The following AGPS variants were observed in gnomAD, a reference collection of about 807,000 sequenced individuals.
The protein encoded by AGPS is alkylglycerone phosphate synthase.
A neutral mutation model predicts 90.7 loss-of-function variants in AGPS; 26 were observed. The ratio of observed to expected loss-of-function variants is 0.29; its 90% CI spans 0.21 to 0.40. AGPS has a LOEUF of 0.40. Among genes scored for constraint, AGPS ranks in the 10% least tolerant of loss-of-function variants. AGPS has a pLI of 1.00. For synonymous variants in AGPS, 294 were observed against 285.3 expected, an observed-to-expected ratio of 1.03 and a Z score of -0.31; for missense variants, 540 against 816.1, an observed-to-expected ratio of 0.66 and a Z score of 4.12.
chr2:177,442,281 A>G lies in AGPS; in HGVS notation c.710-126A>G, dbSNP rs1358940561. 3 of 742,904 alleles carry G rather than the reference A, an allele frequency of 4.0e-6. No individual in the cohort carries two copies. In the African/African-American group the frequency reaches 5.3e-5, roughly 13 times the overall value. 46.0% of individuals were successfully genotyped at this position (742,904 alleles called of 1,614,324 possible). Reference sequence around the variant, plus strand: ...TTAGCATTTGCAAGTTGTATTTTGCAAAGTATTAATAGGTATCACTTTTCT... The same window carrying G: ...TTAGCATTTGCAAGTTGTATTTTGCGAAGTATTAATAGGTATCACTTTTCT... On this transcript the variant is annotated intron_variant, in intron 6 of 19. Transcript: ENST00000264167.
At chr2:177,412,788 G>A (rs939199530) in intron 1 of AGPS, among the ~76,000 whole-genome samples, 8 of 152,156 alleles carry the variant, frequency 5.3e-5, no homozygotes, top group Non-Finnish European at 1.0e-4. Context: ...CATGTGGTGA[G>A]TGTTATAGCT....
chr2:177,506,663 G>T (rs1378940072), intron 15 of AGPS, among the ~76,000 whole-genome samples: 1 of 151,750 alleles, frequency 6.6e-6, no homozygotes, highest in African/African-American at 2.4e-5. Flanking sequence ...TTTGTCCCCT[G>T]CCCCCACAGT....
intron 10 of AGPS, 95 bp downstream of exon 10, chr2:177,468,619 A>G: frequency 1.2e-6 from 1 of 840,524 alleles, no homozygotes; most frequent in Non-Finnish European, 1.9e-6. Context: ...TTTGAAAGAC[A>G]TGTTTTATAT....
intron 10 of AGPS, among the ~76,000 whole-genome samples, chr2:177,469,373 A>G (rs1453226578): frequency 6.6e-6 from 1 of 152,166 alleles, no homozygotes; most frequent in Non-Finnish European, 1.5e-5. Flanking sequence ...TTAGGCATAA[A>G]TTCTATTCTT....
In AGPS at chr2:177,405,019, G is replaced by T. The variant is rs551508192; in HGVS notation, c.260+11970G>T. Among the ~76,000 whole-genome samples the T allele has an allele frequency of 1.2e-4, 18 of 152,336 alleles. No homozygotes were observed. In the South Asian group the frequency reaches 3.5e-3, roughly 30 times the overall value. ...ATTCTAAGAGTACAGGGGTGCCAAA[G>T]AACCCAAGGGTAAGAATGGAGCTTG... On this transcript the variant is annotated intron_variant, in intron 1 of 19. Transcript: ENST00000264167.
chr2:177,464,400 G>A (rs577124108), intron 9 of AGPS, among the ~76,000 whole-genome samples: 8 of 152,220 alleles, frequency 5.3e-5, no homozygotes, highest in East Asian at 3.9e-4. Context: ...ATTAAAGAAC[G>A]TGTTAATATA....
At chr2:177,401,298 T>G (rs1426426653) in intron 1 of AGPS, among the ~76,000 whole-genome samples, 1 of 152,190 alleles carries the variant, frequency 6.6e-6, no homozygotes, top group Non-Finnish European at 1.5e-5. Flanking sequence ...AGTCACATCC[T>G]TCAATCCCTA....
chr2:177,433,590 T>C (rs975028406), intron 2 of AGPS, among the ~76,000 whole-genome samples: 2 of 152,224 alleles, frequency 1.3e-5, no homozygotes, highest in African/African-American at 4.8e-5. Flanking sequence ...TTTGTTCTTG[T>C]CTAGTAATAT....
intron 11 of AGPS, among the ~76,000 whole-genome samples, chr2:177,486,629 T>C (rs911910035): frequency 6.7e-6 from 1 of 150,364 alleles, no homozygotes; most frequent in Non-Finnish European, 1.5e-5. Context: ...TTTGCAATAT[T>C]TTCAGATTCA....
At chr2:177,531,691 A>T (rs879487910) in intron 19 of AGPS, among the ~76,000 whole-genome samples, 1 of 152,168 alleles carries the variant, frequency 6.6e-6, no homozygotes, top group Non-Finnish European at 1.5e-5. Flanking sequence ...GACAGCTAAA[A>T]CAAATTTGAA....
intron 11 of AGPS, 147 bp downstream of exon 11, chr2:177,482,333 A>G (rs574285040): frequency 2.5e-4 from 107 of 434,006 alleles, no homozygotes; most frequent in Middle Eastern, 2.3e-3. Context: ...ACCCAGTTCT[A>G]TATGAAAAGG....
chr2:177,499,598 AAATT>A lies in AGPS; in HGVS notation c.1363-19_1363-16del. On this transcript the variant is annotated splice_polypyrimidine_tract_variant and intron_variant, in intron 13 of 19. Transcript: ENST00000264167. ...TAGGATAAGACTTATCTGTAATAAT[AAATT>A]TTTTTTTTTTTGTAGTTTAAAGGAT... The A allele has an allele frequency of 1.4e-6, 2 of 1,402,362 alleles. No individual in the cohort carries two copies. The highest frequency in any genetic ancestry group is 2.0e-6 in the Non-Finnish European group (2 of 993,114). 86.9% of individuals were successfully genotyped at this position (1,402,362 alleles called of 1,614,324 possible).
chr2:177,459,156 A>C (rs934797416), intron 8 of AGPS, among the ~76,000 whole-genome samples: 4 of 152,200 alleles, frequency 2.6e-5, no homozygotes, highest in Non-Finnish European at 5.9e-5. Context: ...CTTACACCTT[A>C]TAAAAAAATC....
intron 1 of AGPS, among the ~76,000 whole-genome samples, chr2:177,410,565 A>G (rs911427223): frequency 2.0e-5 from 3 of 152,204 alleles, no homozygotes; most frequent in African/African-American, 7.2e-5. Context: ...CATAATTAGA[A>G]AGCCATGTGA....
chr2:177,463,441 A>C (rs1025873958), intron 9 of AGPS, among the ~76,000 whole-genome samples: 1 of 152,200 alleles, frequency 6.6e-6, no homozygotes, highest in African/African-American at 2.4e-5. Context: ...AAGAACTTTA[A>C]TTTGAGACTA....
At chr2:177,407,482 C>T (rs904916578) in intron 1 of AGPS, among the ~76,000 whole-genome samples, 7 of 152,098 alleles carry the variant, frequency 4.6e-5, no homozygotes, top group Non-Finnish European at 8.8e-5. Flanking sequence ...GGAGCAGGCA[C>T]TTCACATAGC....
chr2:177,436,761 T>A lies in AGPS; in HGVS notation c.442-3T>A. On this transcript the variant is annotated splice_region_variant and splice_polypyrimidine_tract_variant and intron_variant, in intron 3 of 19. Transcript: ENST00000264167. ...AGTCAAAGAAATCAATTTTATTTTC[T>A]AGGCATCCTTAAATCCTAGTGATAC... 6.2e-7 allele frequency: 1 copy of A among 1,610,888 alleles called. No individual in the cohort carries two copies. The highest frequency in any genetic ancestry group is 2.2e-5 in the East Asian group (1 of 44,716).
chr2:177,421,923 A>G (rs146085384), intron 2 of AGPS, among the ~76,000 whole-genome samples: 1 of 152,218 alleles, frequency 6.6e-6, no homozygotes, highest in East Asian at 1.9e-4. Flanking sequence ...AACAGGGTAG[A>G]TAGTCACTTG....
intron 17 of AGPS, among the ~76,000 whole-genome samples, chr2:177,518,207 G>C (rs1180277082): frequency 6.6e-6 from 1 of 152,134 alleles, no homozygotes; most frequent in Non-Finnish European, 1.5e-5. Flanking sequence ...GCTGAGGTGG[G>C]TGGATCACTT....
Sources: allele counts gnomAD v4.1 joint callset (sites outside exome capture counted in the v4.1 genomes callset), GRCh38; gene constraint gnomAD v4.1.1; transcripts MANE v1.5; gene names NCBI Gene and HGNC (gene_info 2026-07-23, HGNC 2026-07-21).